The following SEPTIN9 variants were observed in gnomAD, a reference collection of about 807,000 sequenced individuals.
SEPTIN9 encodes septin 9.
In SEPTIN9, 13 loss-of-function variants were observed where a neutral mutation model predicts 56.6. The observed-to-expected ratio is 0.23, with a 90% CI of 0.15 to 0.37. The LOEUF is 0.37. Among genes scored for constraint, SEPTIN9 ranks in the 10% least tolerant of loss-of-function variants. The pLI is 1.00. For synonymous variants in SEPTIN9, 332 were observed against 334.1 expected, an observed-to-expected ratio of 0.99 and a Z score of 0.07; for missense variants, 650 against 823.1, an observed-to-expected ratio of 0.79 and a Z score of 2.57.
chr17:77,297,138 G>T (rs1295662198), intron 1 of SEPTIN9, among the ~76,000 whole-genome samples: 1 of 152,160 alleles, frequency 6.6e-6, no homozygotes, highest in African/African-American at 2.4e-5. Context: ...ACCACAGAAG[G>T]CCGTCCGCAA....
At chr17:77,344,107 A>G (rs1201344666) in intron 2 of SEPTIN9, among the ~76,000 whole-genome samples, 1 of 152,212 alleles carries the variant, frequency 6.6e-6, no homozygotes, top group African/African-American at 2.4e-5. Context: ...AATGGAAGAA[A>G]GTATTTGAAA....
chr17:77,315,582 G>A (rs1476246817), intron 2 of SEPTIN9, among the ~76,000 whole-genome samples: 7 of 152,158 alleles, frequency 4.6e-5, no homozygotes, highest in African/African-American at 1.2e-4. Context: ...CACTGCACCC[G>A]GCCACGACCA....
At chr17:77,373,988 G>T in intron 2 of SEPTIN9, 1 of 160,666 alleles carries the variant, frequency 6.2e-6, no homozygotes, top group Non-Finnish European at 1.4e-5. Context: ...CTTGGACCCG[G>T]CAACGGGATA....
chr17:77,458,426 C>T (rs747577755), intron 3 of SEPTIN9, among the ~76,000 whole-genome samples: 4 of 152,212 alleles, frequency 2.6e-5, no homozygotes, highest in African/African-American at 4.8e-5. Context: ...AAAACCTCAG[C>T]GAGGTCTGCA....
chr17:77,466,776 A>G (rs553148048), intron 3 of SEPTIN9, among the ~76,000 whole-genome samples: 3 of 152,178 alleles, frequency 2.0e-5, no homozygotes, highest in Non-Finnish European at 2.9e-5. Flanking sequence ...GGCACAACTG[A>G]TGACTTTAGG....
chr17:77,488,692 A>C, intron 6 of SEPTIN9, 35 bp from the exon 7 acceptor site: 1 of 1,612,822 alleles, frequency 6.2e-7, no homozygotes, highest in South Asian at 1.1e-5. Flanking sequence ...AGGGCATCTC[A>C]TGTGCCTGCT....
intron 2 of SEPTIN9, among the ~76,000 whole-genome samples, chr17:77,331,633 A>AGAGGCT (rs2033365769): frequency 6.6e-6 from 1 of 152,102 alleles, no homozygotes; most frequent in Non-Finnish European, 1.5e-5. Context: ...CGGGGTTTGC[A>AGAGGCT]TTTTCACTGA....
At chr17:77,331,256 T>G (rs2033338781) in intron 2 of SEPTIN9, among the ~76,000 whole-genome samples, 1 of 152,142 alleles carries the variant, frequency 6.6e-6, no homozygotes, top group African/African-American at 2.4e-5. Context: ...TCAGCATGTT[T>G]ATAAAGTCAA....
chr17:77,488,221 C>T lies in SEPTIN9; in HGVS notation c.1043-19C>T, dbSNP rs368916050. The T allele has an allele frequency of 1.1e-5, 18 of 1,611,862 alleles. No homozygotes were observed. Among genetic ancestry groups the T allele is most frequent in the East Asian group, 4.5e-5 (2 of 44,866 alleles). ...GTCTTCCGTCTCCCCTCTGACTCTGCGTCCGTGGCTCTGTGCAGATATTGA... is the reference window on the plus strand; with the variant it reads ...GTCTTCCGTCTCCCCTCTGACTCTGTGTCCGTGGCTCTGTGCAGATATTGA... On this transcript the variant is annotated intron_variant, in intron 5 of 11. Transcript: ENST00000427177.
At chr17:77,283,781 C>T (rs536469467) in intron 1 of SEPTIN9, among the ~76,000 whole-genome samples, 5 of 152,230 alleles carry the variant, frequency 3.3e-5, no homozygotes, top group South Asian at 4.1e-4. Flanking sequence ...TCTCAAGTAC[C>T]GTGGGTCTAT....
chr17:77,415,188 G>A (rs934734873), intron 3 of SEPTIN9, among the ~76,000 whole-genome samples: 1 of 152,196 alleles, frequency 6.6e-6, no homozygotes, highest in East Asian at 1.9e-4. Flanking sequence ...TGAGGGCCAG[G>A]AGGTGGCCAG....
At chr17:77,312,596 A>T (rs1224741905) in intron 2 of SEPTIN9, among the ~76,000 whole-genome samples, 2 of 152,162 alleles carry the variant, frequency 1.3e-5, no homozygotes, top group Non-Finnish European at 2.9e-5. Flanking sequence ...CCACGGCGGG[A>T]TGCTTTCCTG....
At chr17:77,497,477 C>A in intron 11 of SEPTIN9, 111 bp downstream of exon 11, 2 of 919,286 alleles carry the variant, frequency 2.2e-6, no homozygotes, top group Non-Finnish European at 3.5e-6. Context: ...TGGGTGCCCC[C>A]TGCCACCTGC....
chr17:77,450,295 G>A lies in SEPTIN9; in HGVS notation c.722-31849G>A, dbSNP rs973541195. On this transcript the variant is annotated intron_variant, in intron 3 of 11. Transcript: ENST00000427177. This position sits in a 1 kb window ranked among gnomAD's most constrained non-coding sequence, Gnocchi z 6.0. ...CACCCCCAGCCACGTGTGGGGGTGC[G>A]GGATGGGAAAGGTAAGAGTGTGTGG... 3.3e-5 allele frequency among the ~76,000 whole-genome samples: 5 copies of A among 152,144 alleles called. No individual in the cohort carries two copies. Among genetic ancestry groups the A allele is most frequent in the Non-Finnish European group, 7.4e-5 (5 of 68,002 alleles).
chr17:77,489,544 G>A (rs981032862), intron 7 of SEPTIN9, among the ~76,000 whole-genome samples: 1 of 152,212 alleles, frequency 6.6e-6, no homozygotes, highest in Non-Finnish European at 1.5e-5. Context: ...GAGGCCAGCA[G>A]GAGTGGCTGG....
rs2037990468 is a variant in SEPTIN9 at position 77,451,941 on chromosome 17, T to C, written c.722-30203T>C. Reference sequence around the variant, plus strand: ...ACCGCTTTCTCTAAAATCACTCCGCTCAAGTTATCACCCCTCTGGGCTCCC... The same window carrying C: ...ACCGCTTTCTCTAAAATCACTCCGCCCAAGTTATCACCCCTCTGGGCTCCC... On this transcript the variant is annotated intron_variant, in intron 3 of 11. Transcript: ENST00000427177. This position sits in a 1 kb window ranked among gnomAD's most constrained non-coding sequence, Gnocchi z 4.2. Among the ~76,000 whole-genome samples, 1 of 152,126 alleles carries C rather than the reference T, an allele frequency of 6.6e-6. No homozygotes were observed. The highest frequency in any genetic ancestry group is 2.1e-4 in the South Asian group (1 of 4,822).
At chr17:77,334,554 T>C (rs952776211) in intron 2 of SEPTIN9, among the ~76,000 whole-genome samples, 1 of 152,130 alleles carries the variant, frequency 6.6e-6, no homozygotes, top group Admixed American at 6.5e-5. Context: ...CTTAATGATG[T>C]TATTTAATGA....
At chr17:77,322,536 A>C (rs1164479867) in intron 2 of SEPTIN9, 1 of 152,242 alleles carries the variant, frequency 6.6e-6, no homozygotes, top group Non-Finnish European at 1.5e-5. Flanking sequence ...CGTCCTGGGC[A>C]AACTTTAGCG....
intron 3 of SEPTIN9, among the ~76,000 whole-genome samples, chr17:77,466,213 G>GCCAGC (rs1444389924): frequency 6.6e-6 from 1 of 152,352 alleles, no homozygotes; most frequent in Admixed American, 6.5e-5. Context: ...CCACTGCCCA[G>GCCAGC]CCAGCCGGTA....
Sources: gnomAD v4.1 joint callset for allele counts (sites outside exome capture counted in the v4.1 genomes callset) on GRCh38, gnomAD v4.1.1 for gene constraint, Gnocchi (gnomAD v3.1) non-coding constraint, MANE v1.5 for transcripts, NCBI Gene and HGNC (gene_info 2026-07-23, HGNC 2026-07-21) for gene names.